The following DOK6 variants were observed in gnomAD, a reference collection of about 807,000 sequenced individuals.
DOK6 encodes the protein downstream of tyrosine kinase 6.
DOK6 carries 22 observed loss-of-function variants against 44.0 expected under a neutral mutation model. The observed-to-expected ratio is 0.50, with a 90% confidence interval of 0.36 to 0.71. DOK6 has a LOEUF of 0.71. Among genes scored for constraint, DOK6 ranks in the 30% least tolerant of loss-of-function variants. The pLI is 0.00. For synonymous variants in DOK6, 166 were observed against 145.5 expected (o/e 1.14, Z -1.01); for missense variants, 340 against 416.4 (o/e 0.82, Z 1.60).
intron 3 of DOK6, among the ~76,000 whole-genome samples, chr18:69,668,203 A>ATATTG (rs963248534): frequency 6.6e-6 from 1 of 152,080 alleles, no homozygotes; most frequent in Non-Finnish European, 1.5e-5. Flanking sequence ...CTCCACTGCT[A>ATATTG]TATTGATCCT....
At chr18:69,676,070 C>A (rs1180168276) in intron 3 of DOK6, among the ~76,000 whole-genome samples, 1 of 152,172 alleles carries the variant, frequency 6.6e-6, no homozygotes, top group Non-Finnish European at 1.5e-5. Flanking sequence ...GCCTCTGACT[C>A]CACTCAAGTG....
chr18:69,724,069 AC>A (rs1395462556), intron 5 of DOK6, among the ~76,000 whole-genome samples: 36 of 152,198 alleles, frequency 2.4e-4, no homozygotes, highest in Non-Finnish European at 3.5e-4. Context: ...CTCATTTTCT[AC>A]CTTGCTAATT....
chr18:69,686,739 T>G (rs1026700127), intron 4 of DOK6, among the ~76,000 whole-genome samples: 43 of 104,028 alleles, frequency 4.1e-4, no homozygotes, highest in African/African-American at 1.3e-3. Flanking sequence ...TAAAACAAGA[T>G]AATATAAGAC....
In DOK6 at chr18:69,407,435, G is replaced by A. The variant is rs534791812; in HGVS notation, c.66+6125G>A. On this transcript the variant is annotated intron_variant, in intron 1 of 7. Transcript: ENST00000382713. ...AGCATACTATGATTTCTTTAGCCTC[G>A]GTTTTATTACTTGTGCCTCACTTTA... 5.9e-5 allele frequency among the ~76,000 whole-genome samples: 9 copies of A among 152,100 alleles called. No individual in the cohort carries two copies. In the South Asian group the frequency reaches 8.3e-4, roughly 14 times the overall value.
At chr18:69,515,277 T>C (rs1486689662) in intron 1 of DOK6, among the ~76,000 whole-genome samples, 2 of 152,188 alleles carry the variant, frequency 1.3e-5, no homozygotes, top group Non-Finnish European at 2.9e-5. Context: ...AAATTGTCCG[T>C]ATGTTTGTGG....
rs1427857494 is a variant in DOK6 at position 69,401,176 on chromosome 18, C to A, written c.-69C>A. On this transcript the variant is annotated 5_prime_UTR_variant, in exon 1 of 8. Transcript: ENST00000382713. Reference sequence around the variant, plus strand: ...GCTGGATGCGAGACCCGCGCAGACCCGGCGGCGGACGGCGGCTCTCGACTC... The same window carrying A: ...GCTGGATGCGAGACCCGCGCAGACCAGGCGGCGGACGGCGGCTCTCGACTC... 3 of 1,472,326 alleles carry A rather than the reference C, an allele frequency of 2.0e-6. No individual in the cohort carries two copies. Among genetic ancestry groups the A allele is most frequent in the Non-Finnish European group, 2.7e-6 (3 of 1,106,664 alleles). The allele number at this position is 1,472,326 out of a possible 1,614,324, so 91.2% of individuals were successfully genotyped here. A position where few individuals can be genotyped will look rare whatever the true frequency, so the allele number is the denominator to read the frequency against.
At chr18:69,711,334 G>C (rs567950653) in intron 5 of DOK6, among the ~76,000 whole-genome samples, 2 of 152,094 alleles carry the variant, frequency 1.3e-5, no homozygotes, top group Admixed American at 6.5e-5. Flanking sequence ...TTTTAATGAC[G>C]AACGAGGTAA....
chr18:69,505,152 A>G (rs1248727866), intron 1 of DOK6, among the ~76,000 whole-genome samples: 1 of 152,234 alleles, frequency 6.6e-6, no homozygotes, highest in African/African-American at 2.4e-5. Flanking sequence ...TAAAATATTA[A>G]CTGAAAATAA....
At chr18:69,480,140 T>C (rs1353075879) in intron 1 of DOK6, among the ~76,000 whole-genome samples, 1 of 152,160 alleles carries the variant, frequency 6.6e-6, no homozygotes, top group East Asian at 1.9e-4. Flanking sequence ...GTAGTAGTGA[T>C]AATTCAAAAT....
chr18:69,573,115 G>T (rs890245779), intron 2 of DOK6, among the ~76,000 whole-genome samples: 5 of 151,672 alleles, frequency 3.3e-5, no homozygotes, highest in Admixed American at 3.3e-4. Context: ...CAGAACCTGG[G>T]ATACTTCATT....
chr18:69,446,284 C>T (rs1161394404), intron 1 of DOK6, among the ~76,000 whole-genome samples: 1 of 147,888 alleles, frequency 6.8e-6, no homozygotes, highest in Non-Finnish European at 1.5e-5. Flanking sequence ...TCAATTCCCA[C>T]CTATGAGTGA....
At chr18:69,740,546 A>G (rs750253164) in intron 6 of DOK6, among the ~76,000 whole-genome samples, 6 of 152,200 alleles carry the variant, frequency 3.9e-5, no homozygotes, top group Non-Finnish European at 7.3e-5. Context: ...TTAATGATGG[A>G]AATTCCAAGA....
At chr18:69,748,560 A>C (rs1979065246) in intron 6 of DOK6, among the ~76,000 whole-genome samples, 1 of 152,224 alleles carries the variant, frequency 6.6e-6, no homozygotes, top group Non-Finnish European at 1.5e-5. Flanking sequence ...CTCAAGATTA[A>C]GAAACTCACT....
chr18:69,463,174 G>C (rs1252271943), intron 1 of DOK6, among the ~76,000 whole-genome samples: 1 of 152,114 alleles, frequency 6.6e-6, no homozygotes, highest in Non-Finnish European at 1.5e-5. Flanking sequence ...CCTCGCCATG[G>C]TGGAAGGGAT....
At chr18:69,423,834 T>G (rs915484617) in intron 1 of DOK6, among the ~76,000 whole-genome samples, 2 of 152,188 alleles carry the variant, frequency 1.3e-5, no homozygotes, top group African/African-American at 2.4e-5. Context: ...AAAAAAGAAA[T>G]AAAATGAATA....
At chr18:69,498,948 C>A (rs1190360255) in intron 1 of DOK6, among the ~76,000 whole-genome samples, 1 of 152,076 alleles carries the variant, frequency 6.6e-6, no homozygotes, top group African/African-American at 2.4e-5. Context: ...GGCAAGAATG[C>A]CTAAGTAGCT....
intron 1 of DOK6, among the ~76,000 whole-genome samples, chr18:69,550,940 T>C (rs950596266): frequency 6.6e-6 from 1 of 151,982 alleles, no homozygotes; most frequent in Non-Finnish European, 1.5e-5. Context: ...TGTGCCACCA[T>C]GCCCGGCTAA....
At chr18:69,712,672 C>T (rs1017974307) in intron 5 of DOK6, among the ~76,000 whole-genome samples, 3 of 152,074 alleles carry the variant, frequency 2.0e-5, no homozygotes, top group Admixed American at 6.6e-5. Context: ...TGGCGAAACC[C>T]CCCATCTCTA....
chr18:69,473,474 G>C (rs1480378114), intron 1 of DOK6, among the ~76,000 whole-genome samples: 2 of 152,092 alleles, frequency 1.3e-5, no homozygotes, highest in Non-Finnish European at 2.9e-5. Context: ...TGTCGTGGTT[G>C]AGGCTTAGTG....
Sources: gnomAD v4.1 joint callset for allele counts (sites outside exome capture counted in the v4.1 genomes callset) on GRCh38, gnomAD v4.1.1 for gene constraint, MANE v1.5 for transcripts, NCBI Gene and HGNC (gene_info 2026-07-23, HGNC 2026-07-21) for gene names.